Variants in CYP2C19 observed in about 807,000 individuals in gnomAD.
CYP2C19 encodes the protein cytochrome P450 family 2 subfamily C member 19, also known as cytochrome P450 2C19.
CYP2C19 carries 59 observed loss-of-function variants against 40.9 expected under a neutral mutation model. The ratio of observed to expected loss-of-function variants is 1.44; its 90% confidence interval spans 1.17 to 1.79. CYP2C19 has a LOEUF of 1.79. CYP2C19 is among the 40% of genes most tolerant of loss of function. The pLI is 0.00. For synonymous variants in CYP2C19, 253 were observed against 208.7 expected (o/e 1.21, Z -1.83); for missense variants, 754 against 596.9 (o/e 1.26, Z -2.74).
Position 94,849,873 on chromosome 10 carries a change from G to T in CYP2C19, c.1150-44G>T, listed in dbSNP as rs10454474. On this transcript the variant is annotated intron_variant, in intron 7 of 8. Transcript: ENST00000371321. ...GATTACCACTGTTTCTTAAACCTTC[G>T]TGACTTCTTTACAGCTCAGTTCACC... The T allele has an allele frequency of 7.0e-5, 112 of 1,611,482 alleles. No homozygotes were observed. The African/African-American group carries it at 1.3e-3, about 18-fold the overall frequency.
chr10:94,774,198 A>T (rs987214872), intron 1 of CYP2C19: 3 of 152,120 alleles, frequency 2.0e-5, no homozygotes, highest in African/African-American at 7.2e-5. Context: ...TGCAAGGCAG[A>T]ATAATAGGGA....
chr10:94,806,090 T>C (rs1204531976), intron 5 of CYP2C19, among the ~76,000 whole-genome samples: 1 of 149,590 alleles, frequency 6.7e-6, no homozygotes, highest in Non-Finnish European at 1.5e-5. Flanking sequence ...ACCAACATTC[T>C]ACTTTATGTC....
At chr10:94,800,736 T>A (rs992423788) in intron 5 of CYP2C19, among the ~76,000 whole-genome samples, 2 of 152,154 alleles carry the variant, frequency 1.3e-5, no homozygotes, top group Admixed American at 1.3e-4. Flanking sequence ...TGGATGCCCC[T>A]TCCCCCACCT....
rs530199203 is a variant in CYP2C19, at chr10:94,774,864, C to A, written c.169-194C>A. 25 of 617,986 alleles carry A rather than the reference C, an allele frequency of 4.0e-5. No homozygotes were observed. In the East Asian group the frequency reaches 6.8e-4, roughly 17 times the overall value. The allele number at this position is 617,986 out of a possible 1,614,324, so 38.3% of individuals were successfully genotyped here. On this transcript the variant is annotated intron_variant, in intron 1 of 8. Coordinates refer to ENST00000371321, the MANE Select transcript of CYP2C19 (RefSeq NM_000769.4). ...CTGTGTAGCAATTGTCTGACCATTG[C>A]CTTGAACATCATAGGCCATCTGAGT...
At chr10:94,767,177 G>A (rs1848257267) in intron 1 of CYP2C19, among the ~76,000 whole-genome samples, 1 of 152,132 alleles carries the variant, frequency 6.6e-6, no homozygotes, top group Non-Finnish European at 1.5e-5. Flanking sequence ...AAAGAGTAAA[G>A]AGTAGGCCAT....
At chr10:94,821,972 TA>T (rs1849129514) in intron 6 of CYP2C19, among the ~76,000 whole-genome samples, 1 of 152,172 alleles carries the variant, frequency 6.6e-6, no homozygotes, top group Non-Finnish European at 1.5e-5. Flanking sequence ...CCTCAGTGTC[TA>T]TTGTTCCCAT....
intron 5 of CYP2C19, among the ~76,000 whole-genome samples, chr10:94,784,479 C>A (rs1848516725): frequency 6.6e-6 from 1 of 152,162 alleles, no homozygotes; most frequent in Admixed American, 6.5e-5. Flanking sequence ...AATTTTTCTA[C>A]AGTGAATGTG....
At chr10:94,833,752 A>G (rs192141371) in intron 6 of CYP2C19, among the ~76,000 whole-genome samples, 1 of 152,218 alleles carries the variant, frequency 6.6e-6, no homozygotes, top group Non-Finnish European at 1.5e-5. Context: ...CATCAACTGA[A>G]ATGATCATAT....
chr10:94,769,969 G>C (rs1163767766), intron 1 of CYP2C19, among the ~76,000 whole-genome samples: 4 of 152,152 alleles, frequency 2.6e-5, no homozygotes, highest in African/African-American at 9.7e-5. Flanking sequence ...TGTGAAAAGA[G>C]CAAAGTCTCC....
At chr10:94,846,111 A>C (rs1011781971) in intron 7 of CYP2C19, among the ~76,000 whole-genome samples, 1 of 152,124 alleles carries the variant, frequency 6.6e-6, no homozygotes, top group Non-Finnish European at 1.5e-5. Flanking sequence ...CATTTTAATT[A>C]CTTTTTTCTT....
chr10:94,779,220 A>G (rs1048624561), intron 3 of CYP2C19, among the ~76,000 whole-genome samples: 1 of 152,146 alleles, frequency 6.6e-6, no homozygotes, highest in Admixed American at 6.5e-5. Flanking sequence ...ACCATGGCAC[A>G]TGTATACCTA....
intron 8 of CYP2C19, among the ~76,000 whole-genome samples, chr10:94,851,839 T>C (rs925817425): frequency 3.9e-5 from 6 of 152,176 alleles, no homozygotes; most frequent in Non-Finnish European, 7.3e-5. Context: ...GCACTGGGTA[T>C]TATGTTTCAA....
intron 1 of CYP2C19, among the ~76,000 whole-genome samples, chr10:94,764,479 T>C (rs1396730079): frequency 6.6e-6 from 1 of 152,128 alleles, no homozygotes; most frequent in Admixed American, 6.5e-5. Context: ...AGAAAAGTTC[T>C]CCAAGTCCCT....
intron 6 of CYP2C19, among the ~76,000 whole-genome samples, chr10:94,828,880 A>G (rs1416031573): frequency 1.3e-5 from 2 of 151,960 alleles, no homozygotes; most frequent in South Asian, 2.1e-4. Flanking sequence ...ATCTCTCAGC[A>G]TTTGCTTGTC....
At chr10:94,840,011 ACT>A (rs1849468044) in intron 6 of CYP2C19, among the ~76,000 whole-genome samples, 1 of 151,714 alleles carries the variant, frequency 6.6e-6, no homozygotes, top group Non-Finnish European at 1.5e-5. Context: ...ACTAAGAATA[ACT>A]CTGAACTGGT....
At chr10:94,825,900 T>C (rs1475039311) in intron 6 of CYP2C19, among the ~76,000 whole-genome samples, 2 of 151,772 alleles carry the variant, frequency 1.3e-5, no homozygotes, top group African/African-American at 4.8e-5. Context: ...CCCAGCACCA[T>C]TTATTAAATA....
At chr10:94,800,413 C>T (rs916941887) in intron 5 of CYP2C19, among the ~76,000 whole-genome samples, 3 of 152,198 alleles carry the variant, frequency 2.0e-5, no homozygotes, top group Admixed American at 6.5e-5. Flanking sequence ...CAGAGGGACA[C>T]CCACGTGTAT....
At chr10:94,786,916 G>T (rs1848550026) in intron 5 of CYP2C19, among the ~76,000 whole-genome samples, 1 of 152,120 alleles carries the variant, frequency 6.6e-6, no homozygotes, top group Non-Finnish European at 1.5e-5. Flanking sequence ...ACCATTGGTT[G>T]CTTCTGTGTC....
At chr10:94,797,426 T>C (rs1848705131) in intron 5 of CYP2C19, among the ~76,000 whole-genome samples, 1 of 152,098 alleles carries the variant, frequency 6.6e-6, no homozygotes, top group African/African-American at 2.4e-5. Context: ...GCATCGATGT[T>C]CTTCAGGCAT....
Sources: allele counts gnomAD v4.1 joint callset (sites outside exome capture counted in the v4.1 genomes callset), GRCh38; gene constraint gnomAD v4.1.1; transcripts MANE v1.5; gene names NCBI Gene and HGNC (gene_info 2026-07-23, HGNC 2026-07-21).